NECTIN4: variants seen among roughly 807,000 people sequenced by gnomAD.
NECTIN4 encodes the protein nectin-4.
A neutral mutation model predicts 51.7 loss-of-function variants in NECTIN4; 19 were observed. The ratio of observed to expected loss-of-function variants is 0.37; its 90% confidence interval spans 0.26 to 0.54. NECTIN4 has a LOEUF of 0.54. NECTIN4 is among the 20% of genes least tolerant of loss of function. The probability of loss-of-function intolerance (pLI) is 0.86; values close to 1 mark genes in which losing one functional copy is unlikely to be tolerated. For synonymous variants in NECTIN4, 283 were observed against 286.9 expected, an observed-to-expected ratio of 0.99 and a Z score of 0.14; for missense variants, 619 against 662.4, an observed-to-expected ratio of 0.93 and a Z score of 0.72.
At chr1:161,082,731 C>T (rs1421300443) in intron 1 of NECTIN4, among the ~76,000 whole-genome samples, 1 of 152,080 alleles carries the variant, frequency 6.6e-6, no homozygotes, top group Non-Finnish European at 1.5e-5. Context: ...CAGCTAACCA[C>T]CCGCACCCCT....
Position 161,079,912 on chromosome 1 carries a change from C to G in NECTIN4, c.117G>C (p.Val39=), listed in dbSNP as rs771389376. 7.9e-5 allele frequency: 128 copies of G among 1,612,260 alleles called. No homozygotes were observed. Among genetic ancestry groups the G allele is most frequent in the Non-Finnish European group, 9.5e-5 (112 of 1,178,906 alleles). The change falls in exon 2 of 9, where the codon GTG becomes GTC. Residue 39 remains valine (V), a synonymous_variant. Transcript: ENST00000368012. ...CGTCCTGGCCCAGCACCACAGTTAC[C>G]ACGTCTGAGGTCTCCAGCTCACCCG... ...CPAGELETSD[V]VTVVLGQDAK... is the part of the protein sequence containing the mutation.
In NECTIN4 at chr1:161,079,833, C is replaced by A; in HGVS notation, c.196G>T (p.Ala66Ser). ...GDSGEQVGQVAWARVDAGEGA... is the reference protein window; with the variant it reads ...GDSGEQVGQVSWARVDAGEGA... ...TCGCCCGCGTCCACCCGAGCCCATGCCACTTGCCCCACTTGCTCGCCGGAG... is the reference window on the plus strand; with the variant it reads ...TCGCCCGCGTCCACCCGAGCCCATGACACTTGCCCCACTTGCTCGCCGGAG... Residue 66 changes from alanine (A) to serine (S), a missense_variant, in exon 2 of 9, where the codon GCA (alanine) becomes TCA (serine). This residue lies in a region of NECTIN4 where 218 missense variants were observed against 186.3 expected (regional missense o/e 1.17). Coordinates refer to ENST00000368012, the MANE Select transcript of NECTIN4 (RefSeq NM_030916.3). 2 of 1,613,848 alleles carry A rather than the reference C, an allele frequency of 1.2e-6. No homozygotes were observed. The highest frequency in any genetic ancestry group is 2.2e-5 in the South Asian group (2 of 91,086).
intron 2 of NECTIN4, 21 bp from the exon 3 acceptor site, chr1:161,077,764 G>T (rs1422866678): frequency 6.3e-7 from 1 of 1,599,960 alleles, no homozygotes; most frequent in East Asian, 2.2e-5. Flanking sequence ...GGAAAGGCAG[G>T]GGTCACAGGT....
At position 161,079,710 on chromosome 1, in the gene NECTIN4, G is replaced by A. The variant is rs780299518; in HGVS notation, c.319C>T (p.Pro107Ser). The change falls in exon 2 of 9, where the codon CCC (proline) becomes TCC (serine). Residue 107 changes from proline (P) to serine (S), a missense_variant. Physicochemically the swap from Pro to Ser is moderately conservative, Grantham distance 74 (BLOSUM62 -1). Around this residue, in one of 3 missense-constraint regions of NECTIN4, gnomAD observed 218 missense variants for 186.3 expected, o/e 1.17. Coordinates refer to ENST00000368012, the MANE Select transcript of NECTIN4 (RefSeq NM_030916.3). The part of the protein sequence containing the change: ...RVEQPPPPRN[P>S]LDGSVLLRNA... ...CGCAGGAGCACTGAGCCGTCCAGGG[G>A]GTTGCGTGGGGGCGGCGGCTGCTCC... 6.2e-7 allele frequency: 1 copy of A among 1,609,016 alleles called. No individual in the cohort carries two copies. The highest frequency in any genetic ancestry group is 2.2e-5 in the East Asian group (1 of 44,872).
In NECTIN4 at chr1:161,071,131, A is replaced by G; in HGVS notation, c.*1530T>C. On this transcript the variant is annotated 3_prime_UTR_variant, in exon 9 of 9. Transcript: ENST00000368012. ...GAAGTCCTAGGCTGGCTGGGGAACG[A>G]AGGATGGGAGCCTCTCCCTTAGGCC... is the stretch of plus-strand genomic sequence containing the variant. The G allele has an allele frequency of 6.6e-6, 1 of 152,196 alleles. No homozygotes were observed. The allele number at this position is 152,196 out of a possible 1,614,324, so 9.4% of individuals were successfully genotyped here.
intron 1 of NECTIN4, among the ~76,000 whole-genome samples, chr1:161,084,187 T>A (rs1405058255): frequency 6.6e-6 from 1 of 152,160 alleles, no homozygotes; most frequent in African/African-American, 2.4e-5. Flanking sequence ...TGGTGGGTGT[T>A]TGGCACATAT....
At chr1:161,081,929 T>C (rs761682859) in intron 1 of NECTIN4, among the ~76,000 whole-genome samples, 4 of 152,108 alleles carry the variant, frequency 2.6e-5, no homozygotes, top group Non-Finnish European at 5.9e-5. Context: ...AACCATTGTT[T>C]CTGATTTAGT....
Position 161,072,550 on chromosome 1 carries a change from G to A in NECTIN4, c.*111C>T. On this transcript the variant is annotated 3_prime_UTR_variant, in exon 9 of 9. Transcript: ENST00000368012. Reference sequence around the variant, plus strand: ...GTAAAGGTCAAGCAGTCAGTGGGATGGGGAGCATCTTCCGCAAGAAATGGG... The same window carrying A: ...GTAAAGGTCAAGCAGTCAGTGGGATAGGGAGCATCTTCCGCAAGAAATGGG... 2.3e-6 allele frequency: 2 copies of A among 887,370 alleles called. No homozygotes were observed. Among genetic ancestry groups the A allele is most frequent in the Non-Finnish European group, 3.8e-6 (2 of 532,490 alleles). The allele number at this position is 887,370 out of a possible 1,614,324, so 55.0% of individuals were successfully genotyped here. A position where few individuals can be genotyped will look rare whatever the true frequency, so the allele number is the denominator to read the frequency against.
At chr1:161,074,881 C>A in intron 4 of NECTIN4, 122 bp from the exon 5 acceptor site, 1 of 1,048,720 alleles carries the variant, frequency 9.5e-7, no homozygotes, top group Non-Finnish European at 1.4e-6. Context: ...CAGGCTGTTC[C>A]CACGGTGCCC....
At position 161,077,674 on chromosome 1, in the gene NECTIN4, G is replaced by A; in HGVS notation, c.509C>T (p.Ser170Phe). ...EEGQGLTLAA[S>F]CTAEGSPAPS... ...GGCTGGGCTGCCCTCAGCTGTGCAG[G>A]AGGCTGCCAGGGTCAGGCCCTGGCC... The change falls in exon 3 of 9, where the codon TCC (serine) becomes TTC (phenylalanine). Residue 170 changes from serine (S) to phenylalanine (F), a missense_variant. Physicochemically the swap from Ser to Phe is radical, Grantham distance 155. Coordinates refer to ENST00000368012, the MANE Select transcript of NECTIN4 (RefSeq NM_030916.3). 6.2e-7 allele frequency: 1 copy of A among 1,613,338 alleles called. No individual in the cohort carries two copies.
chr1:161,084,405 T>C (rs918020699), intron 1 of NECTIN4: 2 of 152,300 alleles, frequency 1.3e-5, no homozygotes, highest in Non-Finnish European at 2.9e-5. Flanking sequence ...GGCTTCCACA[T>C]GTCTCTCTGT....
intron 1 of NECTIN4, among the ~76,000 whole-genome samples, chr1:161,086,113 G>C (rs917389276): frequency 6.6e-6 from 1 of 152,220 alleles, no homozygotes; most frequent in South Asian, 2.1e-4. Flanking sequence ...GCAAGGGCAA[G>C]TTTTTGGAGG....
At chr1:161,084,942 A>G (rs150419325) in intron 1 of NECTIN4, 1,798 of 148,414 alleles carry the variant, frequency 0.012, 30 homozygotes, top group South Asian at 0.059. Flanking sequence ...GACAGCAACA[A>G]TCTCCACCGA....
chr1:161,077,434 C>A lies in NECTIN4; in HGVS notation c.730+19G>T. The A allele has an allele frequency of 6.2e-7, 1 of 1,613,964 alleles. No individual in the cohort carries two copies. The highest frequency in any genetic ancestry group is 8.5e-7 in the Non-Finnish European group (1 of 1,179,946). ...TGAGAACCCCTTGGGCCTCCCTACCCAAGCATCCAAGTACTTACAGGACAC... is the reference window on the plus strand; with the variant it reads ...TGAGAACCCCTTGGGCCTCCCTACCAAAGCATCCAAGTACTTACAGGACAC... On this transcript the variant is annotated intron_variant, in intron 3 of 8. Coordinates refer to ENST00000368012, the MANE Select transcript of NECTIN4 (RefSeq NM_030916.3).
chr1:161,076,756 T>C (rs529925313), intron 3 of NECTIN4, among the ~76,000 whole-genome samples: 9 of 152,372 alleles, frequency 5.9e-5, no homozygotes, highest in East Asian at 1.9e-4. Context: ...TTTCTGGATG[T>C]CCTGTGTTGC....
intron 8 of NECTIN4, 104 bp downstream of exon 8, chr1:161,073,121 A>T: frequency 1.9e-6 from 2 of 1,059,004 alleles, no homozygotes; most frequent in Non-Finnish European, 2.9e-6. Context: ...AGCCAGGGCT[A>T]AGGAAAGAGG....
At position 161,079,816 on chromosome 1, in the gene NECTIN4, G is replaced by A. The variant is rs773715096; in HGVS notation, c.213C>T (p.Asp71=). The A allele has an allele frequency of 8.1e-6, 13 of 1,613,640 alleles. No individual in the cohort carries two copies. In the South Asian group the frequency reaches 1.4e-4, roughly 18 times the overall value. ...CTAGTTCCTGGGCGCCTTCGCCCGC[G>A]TCCACCCGAGCCCATGCCACTTGCC... ...QVGQVAWARV[D]AGEGAQELAL... The change falls in exon 2 of 9, where the codon GAC becomes GAT. Residue 71 remains aspartate, a synonymous_variant. Transcript: ENST00000368012.
rs776985335 is a variant in NECTIN4, at chr1:161,074,244, C to T, written c.1130G>A (p.Arg377His). The T allele has an allele frequency of 4.3e-6, 7 of 1,613,980 alleles. No individual in the cohort carries two copies. The highest frequency in any genetic ancestry group is 4.5e-5 in the East Asian group (2 of 44,894). Residue 377 changes from arginine to histidine, a missense_variant, in exon 6 of 9, where the codon CGC becomes CAC. By Grantham distance (29) the Arg-to-His change is conservative. Transcript: ENST00000368012. ...TTTCTGGGTCATCTGCTGGGCCTTG[C>T]GCCGATGGTATCGGGACATGAGCAC... Reference protein sequence around the residue: ...VVVLMSRYHRRKAQQMTQKYE... With the variant: ...VVVLMSRYHRHKAQQMTQKYE...
chr1:161,079,821 C>G lies in NECTIN4; in HGVS notation c.208G>C (p.Val70Leu). The G allele has an allele frequency of 6.2e-7, 1 of 1,613,784 alleles. No individual in the cohort carries two copies. The highest frequency in any genetic ancestry group is 1.6e-4 in the Middle Eastern group (1 of 6,062). Residue 70 changes from valine (V) to leucine (L), a missense_variant, in exon 2 of 9, where the codon GTG becomes CTG. Coordinates refer to ENST00000368012, the MANE Select transcript of NECTIN4 (RefSeq NM_030916.3). Reference sequence around the variant, plus strand: ...TCCTGGGCGCCTTCGCCCGCGTCCACCCGAGCCCATGCCACTTGCCCCACT... The same window carrying G: ...TCCTGGGCGCCTTCGCCCGCGTCCAGCCGAGCCCATGCCACTTGCCCCACT... ...EQVGQVAWAR[V>L]DAGEGAQELA...
Sources: allele counts gnomAD v4.1 joint callset (sites outside exome capture counted in the v4.1 genomes callset), GRCh38; gene constraint gnomAD v4.1.1; regional missense constraint gnomAD v4.1.1; transcripts MANE v1.5; gene names NCBI Gene and HGNC (gene_info 2026-07-23, HGNC 2026-07-21).